Variants in RAP1A observed in about 807,000 individuals in gnomAD.
RAP1A encodes ras-related protein Rap-1A.
In RAP1A, 6 loss-of-function variants were observed where a neutral mutation model predicts 26.4. The observed-to-expected ratio is 0.23, with a 90% CI of 0.12 to 0.45. The LOEUF is 0.45. RAP1A is among the 20% of genes least tolerant of loss of function. The probability of loss-of-function intolerance (pLI) is 0.99; values close to 1 mark genes in which losing one functional copy is unlikely to be tolerated. For missense variants in RAP1A, 121 were observed against 217.2 expected (o/e 0.56, Z 2.78); for synonymous variants, 73 against 79.4 (o/e 0.92, Z 0.43).
intron 1 of RAP1A, among the ~76,000 whole-genome samples, chr1:111,580,865 C>CA (rs59640388): frequency 0.78 from 113,683 of 144,984 alleles, 46,466 homozygotes; most frequent in Non-Finnish European, 0.89. Context: ...AAACAAAAAA[C>CA]AAAAAAAAAA....
chr1:111,679,947 G>T (rs963596210), intron 1 of RAP1A, among the ~76,000 whole-genome samples: 38 of 152,196 alleles, frequency 2.5e-4, no homozygotes, highest in African/African-American at 9.2e-4. Flanking sequence ...GGGGGAATTG[G>T]CAGCTGTGCA....
At chr1:111,670,325 T>C (rs558957542) in intron 1 of RAP1A, among the ~76,000 whole-genome samples, 1 of 151,666 alleles carries the variant, frequency 6.6e-6, no homozygotes, top group Non-Finnish European at 1.5e-5. Flanking sequence ...TACAAAAAAA[T>C]TAGCCGGACG....
At chr1:111,612,755 T>G (rs1331612321) in intron 1 of RAP1A, among the ~76,000 whole-genome samples, 1 of 152,214 alleles carries the variant, frequency 6.6e-6, no homozygotes, top group African/African-American at 2.4e-5. Context: ...GTTTATAGAA[T>G]TACCTCTATA....
chr1:111,711,284 A>G (rs1410646809), intron 7 of RAP1A, among the ~76,000 whole-genome samples: 2 of 152,206 alleles, frequency 1.3e-5, no homozygotes, highest in East Asian at 3.8e-4. Context: ...ACTCTGTTAT[A>G]GTTGACTGGC....
rs2477426 is a variant in RAP1A at position 111,611,633 on chromosome 1, G to A, written c.-28+69124G>A. On this transcript the variant is annotated intron_variant, in intron 1 of 7. Coordinates refer to the RAP1A transcript ENST00000356415. ...TTCACAACAACCCTGTGAAGTAAAT[G>A]TTATCCTAATTTTACGCACAAGGGA... 6.7e-3 allele frequency among the ~76,000 whole-genome samples: 1,018 copies of A among 152,288 alleles called. 12 individuals carry two copies. The highest frequency in any genetic ancestry group is 0.023 in the African/African-American group (968 of 41,564).
At chr1:111,572,042 G>A (rs557657598) in intron 1 of RAP1A, among the ~76,000 whole-genome samples, 21 of 152,300 alleles carry the variant, frequency 1.4e-4, no homozygotes, top group African/African-American at 4.8e-4. Flanking sequence ...TGAGAAACCT[G>A]CTATTTCCAT....
At chr1:111,614,863 A>C (rs1658986741), upstream of RAP1A, among the ~76,000 whole-genome samples, 1 of 152,224 alleles carries the variant, frequency 6.6e-6, no homozygotes, top group African/African-American at 2.4e-5. Flanking sequence ...TGCAAGGAAT[A>C]ATATTTAGTA....
At chr1:111,682,504 C>CAA (rs375059165) in intron 1 of RAP1A, among the ~76,000 whole-genome samples, 130 of 113,744 alleles carry the variant, frequency 1.1e-3, no homozygotes, top group Middle Eastern at 4.4e-3. Flanking sequence ...AATGGAAAGC[C>CAA]AAAAAAAAAA....
At chr1:111,543,510 A>C (rs1656922802) in intron 1 of RAP1A, among the ~76,000 whole-genome samples, 1 of 152,226 alleles carries the variant, frequency 6.6e-6, no homozygotes, top group Admixed American at 6.5e-5. Context: ...GTATTCACCA[A>C]AATGTTAACA....
intron 1 of RAP1A, among the ~76,000 whole-genome samples, chr1:111,676,153 C>T (rs1319071310): frequency 6.6e-6 from 1 of 152,060 alleles, no homozygotes; most frequent in East Asian, 1.9e-4. Context: ...GTCAGGAGTT[C>T]GAGACCAGGC....
intron 1 of RAP1A, among the ~76,000 whole-genome samples, chr1:111,560,488 T>TTTTTTTTTTTTTTTTTTTTTTTTTTG (rs1657688951): frequency 6.7e-6 from 1 of 149,188 alleles, no homozygotes; most frequent in African/African-American, 2.5e-5. Flanking sequence ...AAATACTTTT[T>TTTTTTTTTTTTTTTTTTTTTTTTTTG]AAATGTTTTA....
intron 5 of RAP1A, among the ~76,000 whole-genome samples, chr1:111,703,991 C>G (rs188522768): frequency 1.3e-3 from 202 of 152,206 alleles, no homozygotes; most frequent in Non-Finnish European, 2.2e-3. Flanking sequence ...TTAGTAGAGA[C>G]CAGGTCTCAC....
intron 3 of RAP1A, among the ~76,000 whole-genome samples, chr1:111,695,957 G>T (rs1355784381): frequency 6.6e-6 from 1 of 152,158 alleles, no homozygotes; most frequent in Non-Finnish European, 1.5e-5. Flanking sequence ...GGGTTCATCA[G>T]TTGTAACAAA....
intron 1 of RAP1A, among the ~76,000 whole-genome samples, chr1:111,563,242 C>CTA (rs1447967339): frequency 6.6e-6 from 1 of 152,018 alleles, no homozygotes; most frequent in Admixed American, 6.6e-5. Flanking sequence ...CACCACTGTA[C>CTA]TACAGCCAGG....
intron 1 of RAP1A, among the ~76,000 whole-genome samples, chr1:111,555,783 A>G (rs1657464016): frequency 6.6e-6 from 1 of 152,204 alleles, no homozygotes. Context: ...AAAGGCCTAA[A>G]CATAAGAATT....
At chr1:111,663,502 A>G (rs1462850745) in intron 1 of RAP1A, among the ~76,000 whole-genome samples, 1 of 152,228 alleles carries the variant, frequency 6.6e-6, no homozygotes, top group Non-Finnish European at 1.5e-5. Context: ...TTTTAAGTGG[A>G]TAATTGCCAG....
At chr1:111,643,003 C>T (rs1372121050) in intron 1 of RAP1A, among the ~76,000 whole-genome samples, 1 of 152,012 alleles carries the variant, frequency 6.6e-6, no homozygotes, top group Admixed American at 6.6e-5. Flanking sequence ...AACTCCTGAT[C>T]TTGTGATCTG....
intron 1 of RAP1A, among the ~76,000 whole-genome samples, chr1:111,609,922 A>G (rs1396654588): frequency 2.6e-5 from 4 of 152,264 alleles, no homozygotes; most frequent in African/African-American, 9.6e-5. Context: ...CTGGGATCAC[A>G]GGCATGAGCC....
chr1:111,664,280 A>G (rs1316386597), intron 1 of RAP1A, among the ~76,000 whole-genome samples: 1 of 149,734 alleles, frequency 6.7e-6, no homozygotes, highest in Non-Finnish European at 1.5e-5. Flanking sequence ...AGGCTAAGGC[A>G]GAAGAATCGC....
Sources: allele counts gnomAD v4.1 joint callset (sites outside exome capture counted in the v4.1 genomes callset), GRCh38; gene constraint gnomAD v4.1.1; transcripts MANE v1.5; gene names NCBI Gene and HGNC (gene_info 2026-07-23, HGNC 2026-07-21).